The following SPTBN2 variants were observed in gnomAD, a reference collection of about 807,000 sequenced individuals.
The protein encoded by SPTBN2 is spectrin beta chain, non-erythrocytic 2.
A neutral mutation model predicts 284.2 loss-of-function variants in SPTBN2; 107 were observed. The ratio of observed to expected loss-of-function variants is 0.38; its 90% CI spans 0.32 to 0.44. The LOEUF (loss-of-function observed/expected upper bound fraction) is 0.44, where lower values mean the gene tolerates loss of function less well. SPTBN2 is among the 20% of genes least tolerant of loss of function. The pLI, the probability that SPTBN2 is intolerant of heterozygous loss-of-function variation, is 1.00. For missense variants in SPTBN2, 2,569 were observed against 3,287.1 expected, an observed-to-expected ratio of 0.78 and a Z score of 5.34; for synonymous variants, 1,289 against 1,354.8, an observed-to-expected ratio of 0.95 and a Z score of 1.07.
At chr11:66,734,996 G>A (rs1344480632) in intron 1 of SPTBN2, among the ~76,000 whole-genome samples, 1 of 152,168 alleles carries the variant, frequency 6.6e-6, no homozygotes, top group African/African-American at 2.4e-5. Flanking sequence ...AGAGATCAAA[G>A]TTAAATTCTT....
At chr11:66,742,703 G>A (rs1364090540) in intron 1 of SPTBN2, among the ~76,000 whole-genome samples, 3 of 151,882 alleles carry the variant, frequency 2.0e-5, no homozygotes, top group Non-Finnish European at 2.9e-5. Context: ...TCCACCTCCC[G>A]GGTTCAAGCA....
chr11:66,731,816 T>G (rs1942816192), upstream of SPTBN2, among the ~76,000 whole-genome samples: 1 of 152,258 alleles, frequency 6.6e-6, no homozygotes, highest in Non-Finnish European at 1.5e-5. Context: ...GCTAATTATA[T>G]ACCAGGCACT....
At chr11:66,730,696 A>G (rs1291106215), upstream of SPTBN2, among the ~76,000 whole-genome samples, 1 of 152,222 alleles carries the variant, frequency 6.6e-6, no homozygotes, top group Non-Finnish European at 1.5e-5. Flanking sequence ...AGCCTATAAT[A>G]TCGTGACCCA....
chr11:66,704,186 A>G (rs1490719918), intron 15 of SPTBN2, among the ~76,000 whole-genome samples: 1 of 151,752 alleles, frequency 6.6e-6, no homozygotes, highest in Non-Finnish European at 1.5e-5. Context: ...GTTAGCCAGG[A>G]TGGTCTCGAC....
In SPTBN2 at chr11:66,707,481, T is replaced by C. The variant is rs1289310878; in HGVS notation, c.1653+35A>G. The C allele has an allele frequency of 6.4e-7, 1 of 1,568,522 alleles. No individual in the cohort carries two copies. Among genetic ancestry groups the C allele is most frequent in the South Asian group, 1.2e-5 (1 of 86,112 alleles). ...ACTGTGGGGCCCCCTCGACTCTTGA[T>C]CACTCTTACCCCACCCAGCACGCCT... On this transcript the variant is annotated intron_variant, in intron 13 of 37. Transcript: ENST00000533211. The surrounding 1 kb of genome is among the most constrained non-coding windows in gnomAD (Gnocchi z 4.9).
At chr11:66,730,436 G>A (rs1942789584), upstream of SPTBN2, among the ~76,000 whole-genome samples, 1 of 152,026 alleles carries the variant, frequency 6.6e-6, no homozygotes, top group African/African-American at 2.4e-5. Flanking sequence ...ACACAAATTA[G>A]CCAGGCGTGG....
rs565076494 is a variant in SPTBN2 at position 66,714,800 on chromosome 11, C to A, written c.484-393G>T. 1.3e-5 allele frequency among the ~76,000 whole-genome samples: 2 copies of A among 152,194 alleles called. 1 individual carries two copies. Among genetic ancestry groups the A allele is most frequent in the South Asian group, 4.1e-4 (2 of 4,820 alleles). ...CTGTGATGGCATGAGGACACTGGGG[C>A]ATGAGGAGGAGGAGGGTGACTGTTC... is the stretch of plus-strand genomic sequence containing the variant. On this transcript the variant is annotated intron_variant, in intron 5 of 37. Coordinates refer to ENST00000533211, the MANE Select transcript of SPTBN2 (RefSeq NM_006946.4).
chr11:66,687,219 G>T lies in SPTBN2; in HGVS notation c.6723-52C>A. 6.2e-7 allele frequency: 1 copy of T among 1,607,656 alleles called. No homozygotes were observed. On this transcript the variant is annotated intron_variant, in intron 35 of 37. Coordinates refer to ENST00000533211, the MANE Select transcript of SPTBN2 (RefSeq NM_006946.4). This position sits in a 1 kb window ranked among gnomAD's most constrained non-coding sequence, Gnocchi z 5.2. ...CGGCCTCAGTGGCGCCCGCAACCTG[G>T]AGCCCTCTTGGGTGTCCTAGGACTT...
chr11:66,705,183 T>C lies in SPTBN2; in HGVS notation c.2093A>G (p.Lys698Arg), dbSNP rs779692722. 6.2e-5 allele frequency: 95 copies of C among 1,534,958 alleles called. No individual in the cohort carries two copies. Among genetic ancestry groups the C allele is most frequent in the Non-Finnish European group, 9.6e-6 (11 of 1,142,898 alleles). ...GEMSGRLGPL[K>R]LTLEQGQQLV... ...CTGCTGGCCCTGCTCCAGGGTGAGC[T>C]TCAGGGGCCCCAGCCGGCCGCTCAT... Residue 698 changes from lysine to arginine, a missense_variant, in exon 15 of 38, where the codon AAG (lysine) becomes AGG (arginine). Physicochemically the swap from Lys to Arg is conservative, Grantham distance 26 (BLOSUM62 2). This residue lies in a region of SPTBN2 where 1,012 missense variants were observed against 1,248.9 expected (regional missense o/e 0.81). Coordinates refer to ENST00000533211, the MANE Select transcript of SPTBN2 (RefSeq NM_006946.4).
At position 66,700,486 on chromosome 11, in the gene SPTBN2, T is replaced by C. The variant is rs753700329; in HGVS notation, c.3573+40A>G. ...TTCACATTTCCCCGGGTCCCTACTT[T>C]GCTCTTCCTCCTGCTTGGGACTTTG... On this transcript the variant is annotated intron_variant, in intron 17 of 37. Transcript: ENST00000533211. This position sits in a 1 kb window ranked among gnomAD's most constrained non-coding sequence, Gnocchi z 6.6. 3 of 1,599,506 alleles carry C rather than the reference T, an allele frequency of 1.9e-6. No individual in the cohort carries two copies. The South Asian group carries it at 3.3e-5, about 18-fold the overall frequency.
At chr11:66,704,556 C>T in intron 15 of SPTBN2, 42 bp downstream of exon 15, 1 of 1,582,446 alleles carries the variant, frequency 6.3e-7, no homozygotes, top group Non-Finnish European at 8.6e-7. Flanking sequence ...CCCCCACCCC[C>T]ACCTCCCAAG....
At chr11:66,733,984 C>CAAAAA (rs60666832), upstream of SPTBN2, among the ~76,000 whole-genome samples, 1 of 75,762 alleles carries the variant, frequency 1.3e-5, no homozygotes, top group Non-Finnish European at 2.7e-5. Context: ...GACTCCGTCT[C>CAAAAA]AAAAAAAAAA....
chr11:66,707,394 A>C lies in SPTBN2; in HGVS notation c.1653+122T>G. The stretch of plus-strand genomic sequence containing the variant: ...TTTACTTTGTTCCCTGCAACTGGGG[A>C]CAGGGCCCTGTGCTGGTTCACACTC... On this transcript the variant is annotated intron_variant, in intron 13 of 37. Coordinates refer to ENST00000533211, the MANE Select transcript of SPTBN2 (RefSeq NM_006946.4). This position sits in a 1 kb window ranked among gnomAD's most constrained non-coding sequence, Gnocchi z 4.9. The C allele has an allele frequency of 8.7e-6, 9 of 1,030,042 alleles. No individual in the cohort carries two copies. The highest frequency in any genetic ancestry group is 1.3e-5 in the Non-Finnish European group (9 of 707,346). The allele number at this position is 1,030,042 out of a possible 1,614,324, so 63.8% of individuals were successfully genotyped here. A position where few individuals can be genotyped will look rare whatever the true frequency, so the allele number is the denominator to read the frequency against.
At chr11:66,742,382 G>C (rs1290981993) in intron 1 of SPTBN2, among the ~76,000 whole-genome samples, 2 of 152,124 alleles carry the variant, frequency 1.3e-5, no homozygotes, top group African/African-American at 4.8e-5. Context: ...ATGTCCAGTA[G>C]GGAGGACAGC....
intron 18 of SPTBN2, 149 bp downstream of exon 18, chr11:66,699,257 C>A: frequency 8.0e-7 from 1 of 1,251,504 alleles, no homozygotes; most frequent in Admixed American, 2.0e-5. Flanking sequence ...AATCTCCCAG[C>A]CCTCTCCAAC....
chr11:66,692,519 G>T lies in SPTBN2; in HGVS notation c.5190+17C>A, dbSNP rs1407055663. 6.3e-7 allele frequency: 1 copy of T among 1,599,860 alleles called. No individual in the cohort carries two copies. The highest frequency in any genetic ancestry group is 1.1e-5 in the South Asian group (1 of 90,990). On this transcript the variant is annotated intron_variant, in intron 26 of 37. Coordinates refer to ENST00000533211, the MANE Select transcript of SPTBN2 (RefSeq NM_006946.4). ...TTCCCACGGTTGATCTGAGCTGGGT[G>T]CCCTCCCTACACTCACAGTCACATG...
chr11:66,713,973 G>T, intron 7 of SPTBN2, 118 bp downstream of exon 7: 2 of 1,117,104 alleles, frequency 1.8e-6, no homozygotes, highest in Non-Finnish European at 2.7e-6. Flanking sequence ...TCTGCTCCGA[G>T]TGCTATTCCT....
chr11:66,725,583 C>G (rs1313427629), intron 1 of SPTBN2, among the ~76,000 whole-genome samples: 1 of 152,222 alleles, frequency 6.6e-6, no homozygotes, highest in African/African-American at 2.4e-5. Flanking sequence ...ATCGTCCTCT[C>G]TTCCACAGAT....
chr11:66,713,568 C>T, intron 8 of SPTBN2, 63 bp downstream of exon 8: 1 of 1,354,546 alleles, frequency 7.4e-7, no homozygotes, highest in Non-Finnish European at 1.1e-6. Flanking sequence ...CAGCCCCTGG[C>T]AACCACTGGT....
Sources: gnomAD v4.1 joint callset for allele counts (sites outside exome capture counted in the v4.1 genomes callset) on GRCh38, gnomAD v4.1.1 for gene constraint, gnomAD v4.1.1 regional missense constraint, Gnocchi (gnomAD v3.1) non-coding constraint, MANE v1.5 for transcripts, NCBI Gene and HGNC (gene_info 2026-07-23, HGNC 2026-07-21) for gene names.